The following DDAH1 variants were observed in gnomAD, a reference collection of about 807,000 sequenced individuals.
The protein encoded by DDAH1 is dimethylarginine dimethylaminohydrolase 1.
A neutral mutation model predicts 28.8 loss-of-function variants in DDAH1; 19 were observed. The observed-to-expected ratio is 0.66, with a 90% CI of 0.46 to 0.97. The LOEUF (loss-of-function observed/expected upper bound fraction) is 0.97. Among genes scored for constraint, DDAH1 ranks in the 50% least tolerant of loss-of-function variants. The pLI, the probability that DDAH1 is intolerant of heterozygous loss-of-function variation, is 0.00. For missense variants in DDAH1, 326 were observed against 375.9 expected (o/e 0.87, Z 1.10); for synonymous variants, 153 against 154.4 (o/e 0.99, Z 0.07).
intron 1 of DDAH1, among the ~76,000 whole-genome samples, chr1:85,521,339 C>T (rs1166615032): frequency 1.3e-5 from 2 of 151,662 alleles, no homozygotes; most frequent in African/African-American, 4.8e-5. Flanking sequence ...CTCATTATTG[C>T]CCTCCACACC....
At chr1:85,559,806 G>GAA (rs34636637) in intron 1 of DDAH1, among the ~76,000 whole-genome samples, 203 of 147,742 alleles carry the variant, frequency 1.4e-3, no homozygotes, top group Non-Finnish European at 2.4e-3. Context: ...GAAAAAGACT[G>GAA]AAAAAAAAAA....
intron 1 of DDAH1, among the ~76,000 whole-genome samples, chr1:85,451,406 C>T (rs1302014410): frequency 6.6e-6 from 1 of 152,124 alleles, no homozygotes; most frequent in Non-Finnish European, 1.5e-5. Context: ...CATGGTACTG[C>T]TCAGTACCTT....
intron 1 of DDAH1, among the ~76,000 whole-genome samples, chr1:85,430,758 C>A (rs929663092): frequency 6.6e-6 from 1 of 152,148 alleles, no homozygotes; most frequent in Non-Finnish European, 1.5e-5. Context: ...TGAGACTTTG[C>A]TGAGGTTGCT....
At chr1:85,538,763 C>A (rs1295293214) in intron 1 of DDAH1, among the ~76,000 whole-genome samples, 1 of 152,204 alleles carries the variant, frequency 6.6e-6, no homozygotes, top group Admixed American at 6.5e-5. Context: ...AAGAGAGATT[C>A]AAGGGCAACT....
At chr1:85,346,459 A>C (rs554641676) in intron 4 of DDAH1, among the ~76,000 whole-genome samples, 133 of 152,340 alleles carry the variant, frequency 8.7e-4, no homozygotes, top group African/African-American at 3.0e-3. Flanking sequence ...GAACCAATCT[A>C]TGGCAAAATA....
At chr1:85,354,526 TC>T (rs3831832) in intron 2 of DDAH1, among the ~76,000 whole-genome samples, 43,824 of 151,924 alleles carry the variant, frequency 0.29, 7,219 homozygotes, top group South Asian at 0.4. Flanking sequence ...AGAAAATCTC[TC>T]CTCAAGTATT....
intron 1 of DDAH1, chr1:85,399,165 G>A (rs939394293): frequency 2.6e-5 from 4 of 152,130 alleles, no homozygotes; most frequent in Admixed American, 6.5e-5. Flanking sequence ...GGGGATCCTA[G>A]ATAAAGGAGC....
intron 1 of DDAH1, among the ~76,000 whole-genome samples, chr1:85,387,073 T>C (rs1651305168): frequency 6.6e-6 from 1 of 152,168 alleles, no homozygotes; most frequent in East Asian, 1.9e-4. Flanking sequence ...GGGTCTGTGA[T>C]GGGAAAGGTG....
intron 1 of DDAH1, among the ~76,000 whole-genome samples, chr1:85,390,654 A>G (rs1358840639): frequency 1.3e-5 from 2 of 152,156 alleles, no homozygotes; most frequent in East Asian, 3.9e-4. Flanking sequence ...TAGTCACAGT[A>G]AGTGGTTATT....
intron 1 of DDAH1, among the ~76,000 whole-genome samples, chr1:85,401,588 C>A: frequency 6.9e-6 from 1 of 145,886 alleles, no homozygotes; most frequent in East Asian, 2.0e-4. Context: ...TCACCTTGAT[C>A]TCCTGGGCCC....
chr1:85,525,631 G>T (rs1213271841), intron 1 of DDAH1, among the ~76,000 whole-genome samples: 3 of 150,756 alleles, frequency 2.0e-5, no homozygotes, highest in Non-Finnish European at 4.4e-5. Context: ...TGATCAGGAG[G>T]CTCTTACATC....
intron 4 of DDAH1, among the ~76,000 whole-genome samples, chr1:85,346,290 G>A (rs967860482): frequency 6.6e-6 from 1 of 152,166 alleles, no homozygotes; most frequent in African/African-American, 2.4e-5. Context: ...CTTCTCTACA[G>A]AGGAAAGAAC....
Position 85,464,837 on chromosome 1 carries a change from C to T in DDAH1, c.209G>A (p.Ser70Asn), listed in dbSNP as rs1276724801. ...CTCCACGAAGACGCAGTCCGGAAGG[C>T]TCTCGTCGGCCGGCAGCTCCACCAC... ...LQVVELPADE[S>N]LPDCVFVEDV... The change falls in exon 1 of 6, where the codon AGC (serine) becomes AAC (asparagine). Residue 70 changes from serine (S) to asparagine (N), a missense_variant. Transcript: ENST00000284031. The surrounding 1 kb of genome is among the most constrained non-coding windows in gnomAD (Gnocchi z 4.4). 3.8e-6 allele frequency: 6 copies of T among 1,588,458 alleles called. No individual in the cohort carries two copies. Among genetic ancestry groups the T allele is most frequent in the Admixed American group, 3.4e-5 (2 of 58,682 alleles).
intron 1 of DDAH1, among the ~76,000 whole-genome samples, chr1:85,552,900 T>C (rs897255): frequency 0.88 from 133,939 of 151,914 alleles, 59,176 homozygotes; most frequent in South Asian, 0.96. Context: ...GCCTAACTTC[T>C]CTCCTCTTGC....
intron 2 of DDAH1, among the ~76,000 whole-genome samples, chr1:85,475,027 A>C (rs1655748736): frequency 6.6e-6 from 1 of 152,300 alleles, no homozygotes; most frequent in Non-Finnish European, 1.5e-5. Flanking sequence ...TATTATGAGG[A>C]CTAAATTAAA....
intron 4 of DDAH1, among the ~76,000 whole-genome samples, chr1:85,325,392 A>G (rs1335601192): frequency 1.3e-5 from 2 of 152,158 alleles, no homozygotes; most frequent in Admixed American, 6.5e-5. Flanking sequence ...TTGCTCTTCC[A>G]CATACTTTTA....
intron 1 of DDAH1, among the ~76,000 whole-genome samples, chr1:85,361,187 G>GCAGA (rs953849890): frequency 2.0e-5 from 3 of 152,196 alleles, no homozygotes; most frequent in African/African-American, 7.2e-5. Flanking sequence ...TTCCGTTGAA[G>GCAGA]CAGACAAACT....
chr1:85,460,299 T>A (rs1261424778), intron 1 of DDAH1, among the ~76,000 whole-genome samples: 1 of 152,194 alleles, frequency 6.6e-6, no homozygotes, highest in African/African-American at 2.4e-5. Flanking sequence ...GGAACATCTA[T>A]CCAAATTATA....
chr1:85,474,394 T>C (rs1013326444), intron 2 of DDAH1, among the ~76,000 whole-genome samples: 4 of 151,144 alleles, frequency 2.6e-5, no homozygotes, highest in African/African-American at 9.7e-5. Context: ...CCCACCCCCA[T>C]GATGTGGCCT....
Sources: allele counts gnomAD v4.1 joint callset (sites outside exome capture counted in the v4.1 genomes callset), GRCh38; gene constraint gnomAD v4.1.1; non-coding constraint Gnocchi (gnomAD v3.1); transcripts MANE v1.5; gene names NCBI Gene and HGNC (gene_info 2026-07-23, HGNC 2026-07-21).